Variants in SLC36A4 observed in about 807,000 individuals in gnomAD.
The protein encoded by SLC36A4 is solute carrier family 36 member 4.
Under a neutral mutation model 50.5 loss-of-function variants are expected in SLC36A4, and 49 were observed. The observed-to-expected ratio is 0.97, with a 90% CI of 0.77 to 1.23. The LOEUF (loss-of-function observed/expected upper bound fraction) is 1.23, where lower values mean the gene tolerates loss of function less well. Among genes scored for constraint, SLC36A4 ranks in the 50% most tolerant of loss-of-function variants. The pLI, the probability that SLC36A4 is intolerant of heterozygous loss-of-function variation, is 0.00. For missense variants in SLC36A4, 611 were observed against 608.4 expected (o/e 1.00, Z -0.05); for synonymous variants, 207 against 206.5 (o/e 1.00, Z -0.02).
rs1376351515 is a variant in SLC36A4 at position 93,147,393 on chromosome 11, A to AT, written c.*1143dup. 1 of 152,140 alleles carries AT rather than the reference A, an allele frequency of 6.6e-6. No individual in the cohort carries two copies. Among genetic ancestry groups the AT allele is most frequent in the Admixed American group, 6.6e-5 (1 of 15,234 alleles). 9.4% of individuals were successfully genotyped at this position (152,140 alleles called of 1,614,324 possible). A position where few individuals can be genotyped will look rare whatever the true frequency, so the allele number is the denominator to read the frequency against. On this transcript the variant is annotated 3_prime_UTR_variant, in exon 11 of 11. Transcript: ENST00000326402. ...TTTTCTGAGGTGTCTATTTTCTGCC[A>AT]TTCAGGAATGTGGTGCCTACAAAAC...
intron 10 of SLC36A4, among the ~76,000 whole-genome samples, chr11:93,150,198 G>A (rs1406057091): frequency 6.6e-6 from 1 of 151,980 alleles, no homozygotes; most frequent in African/African-American, 2.4e-5. Flanking sequence ...CTCATATACA[G>A]GCTGTGACAA....
intron 7 of SLC36A4, 162 bp from the exon 8 acceptor site, chr11:93,166,178 G>A (rs1231589582): frequency 1.7e-5 from 23 of 1,317,266 alleles, no homozygotes; most frequent in Middle Eastern, 5.9e-4. Context: ...TCTGTTAAAT[G>A]TAGCCAAGCT....
chr11:93,182,542 T>G (rs1023884580), intron 4 of SLC36A4, among the ~76,000 whole-genome samples: 3 of 152,102 alleles, frequency 2.0e-5, no homozygotes, highest in Non-Finnish European at 1.5e-5. Flanking sequence ...ACTGTCTCCA[T>G]TGCCTCTATA....
chr11:93,147,399 G>C lies in SLC36A4; in HGVS notation c.*1138C>G, dbSNP rs1280354102. The stretch of plus-strand genomic sequence containing the variant: ...GAGGTGTCTATTTTCTGCCATTCAG[G>C]AATGTGGTGCCTACAAAACTCAGGA... On this transcript the variant is annotated 3_prime_UTR_variant, in exon 11 of 11. Transcript: ENST00000326402. 6.6e-6 allele frequency: 1 copy of C among 152,070 alleles called. No individual in the cohort carries two copies. Among genetic ancestry groups the C allele is most frequent in the Non-Finnish European group, 1.5e-5 (1 of 68,024 alleles). 9.4% of individuals were successfully genotyped at this position (152,070 alleles called of 1,614,324 possible).
chr11:93,151,893 G>T (rs1454906319), intron 10 of SLC36A4, among the ~76,000 whole-genome samples: 2 of 151,846 alleles, frequency 1.3e-5, no homozygotes, highest in Admixed American at 6.6e-5. Context: ...CTCTTAAAAG[G>T]TATTTATGTC....
At chr11:93,161,696 G>A (rs1380781418) in intron 9 of SLC36A4, among the ~76,000 whole-genome samples, 1 of 152,162 alleles carries the variant, frequency 6.6e-6, no homozygotes, top group East Asian at 1.9e-4. Flanking sequence ...AGATTACACA[G>A]ATTTTTTTAA....
intron 9 of SLC36A4, among the ~76,000 whole-genome samples, chr11:93,161,668 AAT>A (rs1204123687): frequency 6.6e-6 from 1 of 152,216 alleles, no homozygotes; most frequent in Non-Finnish European, 1.5e-5. Flanking sequence ...CTTTTTCACT[AAT>A]ATAGTAAGAC....
chr11:93,148,278 T>A lies in SLC36A4; in HGVS notation c.*259A>T. On this transcript the variant is annotated 3_prime_UTR_variant, in exon 11 of 11. Coordinates refer to ENST00000326402, the MANE Select transcript of SLC36A4 (RefSeq NM_152313.4). ...TAAAAGAATAATAGAAGTATTTTTA[T>A]TCTTTAATTTTTTTACATTTTAATT... The A allele has an allele frequency of 3.5e-6, 1 of 289,220 alleles. No individual in the cohort carries two copies. Among genetic ancestry groups the A allele is most frequent in the Non-Finnish European group, 6.3e-6 (1 of 157,588 alleles). The allele number at this position is 289,220 out of a possible 1,614,324, so 17.9% of individuals were successfully genotyped here.
rs926183374 is a variant in SLC36A4, at chr11:93,177,194, CATTT to C, written c.540+3599_540+3602del. 4.6e-4 allele frequency among the ~76,000 whole-genome samples: 70 copies of C among 152,202 alleles called. 2 individuals are homozygous for C. The highest frequency in any genetic ancestry group is 1.6e-3 in the African/African-American group (68 of 41,532). On this transcript the variant is annotated intron_variant, in intron 6 of 10. Coordinates refer to ENST00000326402, the MANE Select transcript of SLC36A4 (RefSeq NM_152313.4). ...TCTAAACTTTTCACTTCATTTCATT[CATTT>C]GATCTTCAATCACTGATACCCTTTC...
At chr11:93,160,035 A>T (rs1590939795) in intron 9 of SLC36A4, 1 of 985,310 alleles carries the variant, frequency 1.0e-6, no homozygotes, top group African/African-American at 1.7e-5. Context: ...ACAGGAAAGA[A>T]GTGAAAGAGA....
At chr11:93,160,637 T>C (rs2016116025) in intron 9 of SLC36A4, 10 of 985,394 alleles carry the variant, frequency 1.0e-5, no homozygotes, top group South Asian at 4.7e-5. Context: ...CATTCTTATG[T>C]GCCTGGTAAT....
At chr11:93,173,863 T>C (rs1194589211) in intron 6 of SLC36A4, among the ~76,000 whole-genome samples, 3 of 136,380 alleles carry the variant, frequency 2.2e-5, no homozygotes, top group Non-Finnish European at 4.7e-5. Context: ...TGTAGTATAG[T>C]TTGAAGTCAG....
intron 6 of SLC36A4, among the ~76,000 whole-genome samples, chr11:93,168,439 A>G (rs887338505): frequency 2.6e-5 from 4 of 152,034 alleles, no homozygotes; most frequent in Non-Finnish European, 5.9e-5. Flanking sequence ...AGAAAATTAT[A>G]ATGATAGATT....
intron 1 of SLC36A4, among the ~76,000 whole-genome samples, chr11:93,192,822 A>G (rs1480097119): frequency 6.6e-6 from 1 of 152,106 alleles, no homozygotes; most frequent in Admixed American, 6.5e-5. Context: ...GAGTGATATC[A>G]TCTGATTTAC....
chr11:93,171,001 A>G (rs1215565276), intron 6 of SLC36A4: 1 of 152,092 alleles, frequency 6.6e-6, no homozygotes, highest in Non-Finnish European at 1.5e-5. Context: ...AGGTTTAATC[A>G]ACTAGTGTGT....
At chr11:93,169,079 C>A (rs980554149) in intron 6 of SLC36A4, among the ~76,000 whole-genome samples, 3 of 151,990 alleles carry the variant, frequency 2.0e-5, no homozygotes, top group Non-Finnish European at 2.9e-5. Flanking sequence ...TCAAACACAT[C>A]AATATTGTCG....
chr11:93,181,782 T>G lies in SLC36A4; in HGVS notation c.364A>C (p.Lys122Gln), dbSNP rs1861750097. 1 of 1,555,152 alleles carries G rather than the reference T, an allele frequency of 6.4e-7. No individual in the cohort carries two copies. The highest frequency in any genetic ancestry group is 1.4e-5 in the African/African-American group (1 of 73,388). Residue 122 changes from lysine (K) to glutamine (Q), a missense_variant, in exon 5 of 11, where the codon AAA becomes CAA. Physicochemically the swap from Lys to Gln is moderately conservative, Grantham distance 53 (BLOSUM62 1). Transcript: ENST00000326402. ...RCSHFLCLRFKKSTLGYSDTV... is the reference protein window; with the variant it reads ...RCSHFLCLRFQKSTLGYSDTV... Reference sequence around the variant, plus strand: ...TCACTATAACCTAATGTTGACTTTTTAAACCTGTAATTTAATGACATACAT... The same window carrying G: ...TCACTATAACCTAATGTTGACTTTTGAAACCTGTAATTTAATGACATACAT...
chr11:93,160,835 ATTATTG>A (rs1860586476), intron 9 of SLC36A4: 1 of 776,730 alleles, frequency 1.3e-6, no homozygotes, highest in Non-Finnish European at 1.6e-6. Flanking sequence ...TAGTCAAAAT[ATTATTG>A]TTATTATTAA....
intron 9 of SLC36A4, among the ~76,000 whole-genome samples, chr11:93,157,028 G>T (rs1408046951): frequency 1.3e-5 from 2 of 152,124 alleles, no homozygotes; most frequent in South Asian, 2.1e-4. Context: ...TGTATATGGT[G>T]TAAGGAAGGG....
Sources: allele counts gnomAD v4.1 joint callset (sites outside exome capture counted in the v4.1 genomes callset), GRCh38; gene constraint gnomAD v4.1.1; transcripts MANE v1.5; gene names NCBI Gene and HGNC (gene_info 2026-07-23, HGNC 2026-07-21).